WDR5: variants seen among roughly 807,000 people sequenced by gnomAD.
WDR5 encodes the protein WD repeat-containing protein 5.
For missense variants in WDR5, 187 were observed against 416.9 expected (o/e 0.45, Z 4.80); for synonymous variants, 144 against 161.6 (o/e 0.89, Z 0.83).
chr9:134,136,605 C>G (rs952900401), intron 1 of WDR5, among the ~76,000 whole-genome samples: 10 of 152,156 alleles, frequency 6.6e-5, no homozygotes, highest in Non-Finnish European at 1.5e-4. Context: ...GCTTCCCCTC[C>G]TCGTAGAAAC....
chr9:134,148,480 G>A (rs752093117), intron 8 of WDR5, 137 bp downstream of exon 8: 3 of 739,384 alleles, frequency 4.1e-6, no homozygotes, highest in East Asian at 2.8e-5. Flanking sequence ...TTCTGGCCAC[G>A]CTGCAGACAT....
rs77786595 is a variant in WDR5 at position 134,148,396 on chromosome 9, G to C, written c.584+53G>C. On this transcript the variant is annotated intron_variant, in intron 8 of 13. Coordinates refer to ENST00000358625, the MANE Select transcript of WDR5 (RefSeq NM_017588.3). ...GCGATGAGTGCTTAACTAAGGGCCA[G>C]CTCTTGCACTGTTCCTGCATCTGGG... is the stretch of plus-strand genomic sequence containing the variant. The C allele has an allele frequency of 1.8e-3, 2,660 of 1,495,410 alleles. 28 individuals carry two copies. In the African/African-American group the frequency reaches 0.032, roughly 18 times the overall value. The allele number at this position is 1,495,410 out of a possible 1,614,324, so 92.6% of individuals were successfully genotyped here.
chr9:134,159,517 C>T lies in WDR5; in HGVS notation c.*1524C>T, dbSNP rs565142037. On this transcript the variant is annotated 3_prime_UTR_variant, in exon 14 of 14. Coordinates refer to ENST00000358625, the MANE Select transcript of WDR5 (RefSeq NM_017588.3). This position sits in a 1 kb window ranked among gnomAD's most constrained non-coding sequence, Gnocchi z 4.3. ...CCCAGGGAGGAAGCGGGGGGTTTGT[C>T]AGGTGGGCTCTCCTGGAGGTCCTCG... 1 of 152,384 alleles carries T rather than the reference C, an allele frequency of 6.6e-6. No homozygotes were observed. The highest frequency in any genetic ancestry group is 1.5e-5 in the Non-Finnish European group (1 of 68,132). 9.4% of individuals were successfully genotyped at this position (152,384 alleles called of 1,614,324 possible).
At chr9:134,143,740 C>T (rs1236751245) in intron 7 of WDR5, among the ~76,000 whole-genome samples, 2 of 151,768 alleles carry the variant, frequency 1.3e-5, no homozygotes, top group African/African-American at 4.8e-5. Context: ...TGGTTTCGAT[C>T]TCCTGAGCTC....
rs1361947096 is a variant in WDR5, at chr9:134,158,108, G to C, written c.*115G>C. On this transcript the variant is annotated 3_prime_UTR_variant, in exon 14 of 14. Transcript: ENST00000358625. Reference sequence around the variant, plus strand: ...GCGCCTGGGGGTCAGGACAGGGCCTGATTTGAGCCTCCTCTCTGAAGATGA... The same window carrying C: ...GCGCCTGGGGGTCAGGACAGGGCCTCATTTGAGCCTCCTCTCTGAAGATGA... 1.2e-6 allele frequency: 1 copy of C among 862,846 alleles called. No homozygotes were observed. The highest frequency in any genetic ancestry group is 1.7e-5 in the African/African-American group (1 of 59,708). The allele number at this position is 862,846 out of a possible 1,614,324, so 53.4% of individuals were successfully genotyped here.
chr9:134,154,691 T>C, intron 10 of WDR5, 150 bp downstream of exon 10: 1 of 865,362 alleles, frequency 1.2e-6, no homozygotes, highest in Non-Finnish European at 1.8e-6. Flanking sequence ...CAGTGGCCTG[T>C]TAGGTCGGAG....
At chr9:134,149,688 A>G (rs1365999619) in intron 8 of WDR5, among the ~76,000 whole-genome samples, 1 of 152,248 alleles carries the variant, frequency 6.6e-6, no homozygotes, top group African/African-American at 2.4e-5. Flanking sequence ...TAGGAGGGAA[A>G]TGGGAAACAA....
At chr9:134,145,929 C>G (rs1474844984) in intron 7 of WDR5, among the ~76,000 whole-genome samples, 1 of 112,504 alleles carries the variant, frequency 8.9e-6, no homozygotes, top group African/African-American at 3.6e-5. Context: ...TTCTCTGTTT[C>G]TTTCTTTCTT....
upstream of WDR5, chr9:134,135,523 C>T (rs1192499614): frequency 2.0e-5 from 3 of 152,282 alleles, no homozygotes; most frequent in African/African-American, 4.8e-5. Context: ...AGGCGCAGCC[C>T]GGGCTTCCGA....
intron 4 of WDR5, 116 bp downstream of exon 4, chr9:134,141,699 T>A (rs1003511896): frequency 1.0e-5 from 12 of 1,152,354 alleles, no homozygotes; most frequent in African/African-American, 7.9e-5. Flanking sequence ...CCCCGTTTTT[T>A]AATTTTTTTA....
intron 4 of WDR5, 139 bp from the exon 5 acceptor site, chr9:134,141,810 C>T: frequency 2.2e-6 from 2 of 929,254 alleles, no homozygotes; most frequent in South Asian, 1.7e-5. Flanking sequence ...CTGTTTTTCT[C>T]CTGGGCCGTG....
intron 9 of WDR5, among the ~76,000 whole-genome samples, chr9:134,153,819 C>T (rs988541627): frequency 1.3e-5 from 2 of 152,176 alleles, no homozygotes; most frequent in Non-Finnish European, 2.9e-5. Flanking sequence ...TTCCCTCCTC[C>T]TCACTCAGGT....
Position 134,157,903 on chromosome 9 carries a change from C to T in WDR5, c.915C>T (p.Ile305=). 6.2e-7 allele frequency: 1 copy of T among 1,614,086 alleles called. No individual in the cohort carries two copies. The highest frequency in any genetic ancestry group is 8.5e-7 in the Non-Finnish European group (1 of 1,179,926). The change falls in exon 14 of 14, where the codon ATC becomes ATT. Residue 305 remains isoleucine (I), a synonymous_variant. Coordinates refer to ENST00000358625, the MANE Select transcript of WDR5 (RefSeq NM_017588.3). This position sits in a 1 kb window ranked among gnomAD's most constrained non-coding sequence, Gnocchi z 5.0. ...QKLQGHTDVV[I]STACHPTENI... ...TGTCTTTGTTTTCAGATGTCGTGAT[C>T]TCAACAGCTTGTCACCCAACAGAAA...
At chr9:134,143,370 G>A (rs991319956) in intron 7 of WDR5, among the ~76,000 whole-genome samples, 49 of 152,088 alleles carry the variant, frequency 3.2e-4, no homozygotes, top group South Asian at 6.2e-4. Context: ...GTGAAACCCC[G>A]TCTCTACTAA....
chr9:134,137,302 G>A (rs1170961782), intron 1 of WDR5, among the ~76,000 whole-genome samples: 1 of 152,106 alleles, frequency 6.6e-6, no homozygotes, highest in African/African-American at 2.4e-5. Flanking sequence ...CCGTAACCTT[G>A]GCCCCCGCTT....
intron 1 of WDR5, among the ~76,000 whole-genome samples, chr9:134,137,923 A>G (rs1831662785): frequency 6.6e-6 from 1 of 152,100 alleles, no homozygotes; most frequent in South Asian, 2.1e-4. Flanking sequence ...CTGTATTTTT[A>G]GTAGGGAGGG....
chr9:134,146,771 C>G (rs1588173715), intron 7 of WDR5, among the ~76,000 whole-genome samples: 2 of 152,210 alleles, frequency 1.3e-5, no homozygotes. Context: ...TCGTAATAGT[C>G]TCAATAAGAG....
At chr9:134,151,829 A>C (rs906406560) in intron 8 of WDR5, among the ~76,000 whole-genome samples, 154 bp from the exon 9 acceptor site, 1 of 152,220 alleles carries the variant, frequency 6.6e-6, no homozygotes, top group Non-Finnish European at 1.5e-5. Context: ...TTGTCCCTAG[A>C]ATATAAGAGA....
At position 134,140,830 on chromosome 9, in the gene WDR5, C is replaced by T; in HGVS notation, c.190+19C>T. 1 of 1,607,982 alleles carries T rather than the reference C, an allele frequency of 6.2e-7. No homozygotes were observed. The highest frequency in any genetic ancestry group is 8.5e-7 in the Non-Finnish European group (1 of 1,174,432). ...AGTTCATGTACGTAGCACTGAGGCC[C>T]TTAGCTGCTGGGAGAGGCGGTCTGA... On this transcript the variant is annotated intron_variant, in intron 3 of 13. Transcript: ENST00000358625.
Sources: gnomAD v4.1 joint callset for allele counts (sites outside exome capture counted in the v4.1 genomes callset) on GRCh38, gnomAD v4.1.1 for gene constraint, Gnocchi (gnomAD v3.1) non-coding constraint, MANE v1.5 for transcripts, NCBI Gene and HGNC (gene_info 2026-07-23, HGNC 2026-07-21) for gene names.